Variants in FGGY observed in about 807,000 individuals in gnomAD.
FGGY encodes the protein FGGY carbohydrate kinase domain containing, also known as FGGY carbohydrate kinase domain-containing protein.
Under a neutral mutation model 71.3 loss-of-function variants are expected in FGGY, and 72 were observed. The ratio of observed to expected loss-of-function variants is 1.01; its 90% CI spans 0.84 to 1.23. FGGY has a LOEUF of 1.23. FGGY is among the 50% of genes most tolerant of loss of function. The pLI, the probability that FGGY is intolerant of heterozygous loss-of-function variation, is 0.00. For missense variants in FGGY, 668 were observed against 682.3 expected, an observed-to-expected ratio of 0.98 and a Z score of 0.23; for synonymous variants, 251 against 250.3, an observed-to-expected ratio of 1.00 and a Z score of -0.02.
intron 5 of FGGY, among the ~76,000 whole-genome samples, chr1:59,430,500 T>C (rs1359326767): frequency 6.6e-6 from 1 of 152,130 alleles, no homozygotes; most frequent in African/African-American, 2.4e-5. Flanking sequence ...ATACTTAAGG[T>C]TGGGTCCAAT....
intron 7 of FGGY, among the ~76,000 whole-genome samples, chr1:59,542,983 C>G (rs2095468095): frequency 6.6e-6 from 1 of 152,130 alleles, no homozygotes; most frequent in Non-Finnish European, 1.5e-5. Context: ...GGGCAGGTGT[C>G]AAGAGCAGGT....
chr1:59,731,507 C>T (rs187454696), intron 14 of FGGY, among the ~76,000 whole-genome samples: 1 of 152,248 alleles, frequency 6.6e-6, no homozygotes, highest in Admixed American at 6.5e-5. Flanking sequence ...AGATTTTCCC[C>T]TAACCTTAAG....
chr1:59,718,535 A>G (rs982775887), intron 14 of FGGY, among the ~76,000 whole-genome samples: 1 of 152,160 alleles, frequency 6.6e-6, no homozygotes, highest in African/African-American at 2.4e-5. Context: ...AACTTGTTCC[A>G]GATAGAAGCA....
At chr1:59,309,553 A>G (rs1267435453) in intron 1 of FGGY, among the ~76,000 whole-genome samples, 1 of 152,204 alleles carries the variant, frequency 6.6e-6, no homozygotes. Flanking sequence ...CAGAAGAAGC[A>G]TTGGTGCTGT....
At chr1:59,753,225 T>G (rs2098260875) in intron 14 of FGGY, among the ~76,000 whole-genome samples, 1 of 152,070 alleles carries the variant, frequency 6.6e-6, no homozygotes. Context: ...ATTTCCATAC[T>G]AAATTCATAT....
At chr1:59,653,299 C>G (rs1469193287) in intron 11 of FGGY, among the ~76,000 whole-genome samples, 1 of 152,250 alleles carries the variant, frequency 6.6e-6, no homozygotes, top group Admixed American at 6.5e-5. Flanking sequence ...AGCTTTTGGG[C>G]TGCTTTGTTT....
intron 7 of FGGY, among the ~76,000 whole-genome samples, chr1:59,534,555 GA>G (rs1231097197): frequency 1.3e-5 from 2 of 152,044 alleles, no homozygotes; most frequent in Non-Finnish European, 2.9e-5. Flanking sequence ...TGAAATGAAG[GA>G]AAAAATGTTA....
At chr1:59,643,362 T>A (rs2097057240) in intron 11 of FGGY, among the ~76,000 whole-genome samples, 1 of 152,104 alleles carries the variant, frequency 6.6e-6, no homozygotes, top group African/African-American at 2.4e-5. Context: ...AGCTAATTTT[T>A]AAAATATTTT....
intron 1 of FGGY, among the ~76,000 whole-genome samples, chr1:59,320,684 G>A (rs899292540): frequency 1.3e-5 from 2 of 152,260 alleles, no homozygotes; most frequent in East Asian, 1.9e-4. Context: ...TTGTCTCCTC[G>A]GGGTTCCTTC....
intron 12 of FGGY, among the ~76,000 whole-genome samples, chr1:59,664,408 G>A (rs1280297532): frequency 2.0e-5 from 3 of 152,238 alleles, no homozygotes; most frequent in Admixed American, 6.5e-5. Context: ...CAGGCTGTCT[G>A]TCACAGCCCC....
intron 14 of FGGY, among the ~76,000 whole-genome samples, chr1:59,732,158 T>G (rs901364849): frequency 6.6e-6 from 1 of 152,156 alleles, no homozygotes; most frequent in Non-Finnish European, 1.5e-5. Flanking sequence ...TTTCATTCCT[T>G]TTCTCTTTAA....
At chr1:59,474,832 C>T (rs552834087) in intron 6 of FGGY, among the ~76,000 whole-genome samples, 1 of 152,316 alleles carries the variant, frequency 6.6e-6, no homozygotes, top group South Asian at 2.1e-4. Flanking sequence ...ATGGACTTGA[C>T]TTCAATTCTG....
intron 8 of FGGY, among the ~76,000 whole-genome samples, chr1:59,570,936 G>A (rs17119631): frequency 0.028 from 4,191 of 152,192 alleles, 195 homozygotes; most frequent in African/African-American, 0.096. Flanking sequence ...ATTTGAAAGC[G>A]TTAATTGGTC....
At chr1:59,517,421 A>T (rs930018160) in intron 7 of FGGY, among the ~76,000 whole-genome samples, 1 of 151,060 alleles carries the variant, frequency 6.6e-6, no homozygotes, top group Non-Finnish European at 1.5e-5. Context: ...GCCCGCCACT[A>T]TGCCCGGCTA....
At chr1:59,704,376 G>A (rs2097736310) in intron 14 of FGGY, among the ~76,000 whole-genome samples, 1 of 151,972 alleles carries the variant, frequency 6.6e-6, no homozygotes, top group African/African-American at 2.4e-5. Context: ...AACAATGTAG[G>A]AATATATAGA....
chr1:59,563,799 G>A (rs1198384230), intron 8 of FGGY, among the ~76,000 whole-genome samples: 2 of 152,106 alleles, frequency 1.3e-5, no homozygotes, highest in Non-Finnish European at 2.9e-5. Flanking sequence ...TCTACTACAA[G>A]GCTACAGTAA....
At chr1:59,477,830 G>T (rs2093328888) in intron 6 of FGGY, among the ~76,000 whole-genome samples, 1 of 152,108 alleles carries the variant, frequency 6.6e-6, no homozygotes, top group Admixed American at 6.5e-5. Context: ...CACAGAAACT[G>T]CCAGGGATCT....
intron 4 of FGGY, among the ~76,000 whole-genome samples, chr1:59,360,360 C>T (rs1485457710): frequency 5.3e-5 from 8 of 152,090 alleles, no homozygotes; most frequent in African/African-American, 1.9e-4. Context: ...TTGGCTTTGG[C>T]TGGGAGTCAC....
At chr1:59,516,543 A>G (rs1304649850) in intron 7 of FGGY, among the ~76,000 whole-genome samples, 1 of 152,206 alleles carries the variant, frequency 6.6e-6, no homozygotes, top group African/African-American at 2.4e-5. Context: ...GCCTACAAAT[A>G]TGGTGCTTCG....
Sources: allele counts gnomAD v4.1 joint callset (sites outside exome capture counted in the v4.1 genomes callset), GRCh38; gene constraint gnomAD v4.1.1; transcripts MANE v1.5; gene names NCBI Gene and HGNC (gene_info 2026-07-23, HGNC 2026-07-21).